Variants in NRG1 observed in about 807,000 individuals in gnomAD.
NRG1 encodes pro-neuregulin-1, membrane-bound isoform.
A neutral mutation model predicts 63.8 loss-of-function variants in NRG1; 18 were observed. The ratio of observed to expected loss-of-function variants is 0.28; its 90% CI spans 0.19 to 0.42. NRG1 has a LOEUF of 0.42. Among genes scored for constraint, NRG1 ranks in the 10% least tolerant of loss-of-function variants. NRG1 has a pLI of 1.00. For synonymous variants in NRG1, 302 were observed against 301.3 expected (o/e 1.00, Z -0.02); for missense variants, 762 against 814.7 (o/e 0.94, Z 0.79).
At chr8:32,268,560 C>T (rs544738000) in intron 1 of NRG1, among the ~76,000 whole-genome samples, 36 of 152,078 alleles carry the variant, frequency 2.4e-4, no homozygotes, top group Non-Finnish European at 5.3e-4. Flanking sequence ...TCCCTATTAG[C>T]ATGTGCATGT....
intron 1 of NRG1, among the ~76,000 whole-genome samples, chr8:31,855,075 A>G (rs1489701882): frequency 2.0e-5 from 3 of 152,088 alleles, no homozygotes; most frequent in South Asian, 4.2e-4. Context: ...GTGCTGAAAA[A>G]AATGTATATT....
chr8:31,807,949 G>A (rs775066183), intron 1 of NRG1, among the ~76,000 whole-genome samples: 1 of 22,266 alleles, frequency 4.5e-5, no homozygotes, highest in Admixed American at 5.2e-4. Flanking sequence ...GAGTATTCGC[G>A]TGTGTGTGTG....
At chr8:32,120,877 G>A (rs918887587) in intron 1 of NRG1, among the ~76,000 whole-genome samples, 1 of 151,966 alleles carries the variant, frequency 6.6e-6, no homozygotes, top group African/African-American at 2.4e-5. Context: ...GTCCCTTTTT[G>A]AATGTTCCTT....
rs150974130 is a variant in NRG1 at position 32,697,790 on chromosome 8, T to C, written c.503-30159T>C. Among the ~76,000 whole-genome samples the C allele has an allele frequency of 2.6e-3, 395 of 152,370 alleles. 3 individuals carry two copies. Among genetic ancestry groups the C allele is most frequent in the African/African-American group, 8.9e-3 (368 of 41,576 alleles). On this transcript the variant is annotated intron_variant, in intron 5 of 11. Coordinates refer to ENST00000356819, the Ensembl canonical transcript of NRG1. ...ATAAGATTTTCACAAATCAGTGCAG[T>C]ATGGCCCTGTTACTTTTTATAGCAT...
In NRG1 at chr8:32,123,694, T is replaced by A. The variant is rs926126521; in HGVS notation, c.38-472134T>A. Among the ~76,000 whole-genome samples, 3 of 150,720 alleles carry A rather than the reference T, an allele frequency of 2.0e-5. No individual in the cohort carries two copies. The East Asian group carries it at 5.8e-4, about 29-fold the overall frequency. On this transcript the variant is annotated intron_variant, in intron 1 of 10. Transcript: ENST00000519301. ...CTGTCTTATAATTTATTCTAAAAAT[T>A]ATATTTTTAAGTTAATTTATAACTT...
intron 1 of NRG1, among the ~76,000 whole-genome samples, chr8:32,577,865 T>C (rs944669898): frequency 1.3e-5 from 2 of 152,304 alleles, no homozygotes; most frequent in African/African-American, 2.4e-5. Context: ...ACTTCATCTG[T>C]GCCATCAGCT....
rs994966851 is a variant in NRG1, at chr8:32,595,187, AT to A, written c.101-632del. ...TTACATATTCTCCTTTTTATTTTTT[AT>A]TTTTTTTTAATTTCTTTTTGAAACA... On this transcript the variant is annotated intron_variant, in intron 1 of 11. Transcript: ENST00000356819. Among the ~76,000 whole-genome samples, 5 of 151,076 alleles carry A rather than the reference AT, an allele frequency of 3.3e-5. No homozygotes were observed. The East Asian group carries it at 5.9e-4, about 18-fold the overall frequency.
At chr8:32,591,212 A>G (rs912223508) in intron 1 of NRG1, among the ~76,000 whole-genome samples, 18 of 152,212 alleles carry the variant, frequency 1.2e-4, no homozygotes, top group Non-Finnish European at 1.5e-5. Flanking sequence ...CCCCAGAAGG[A>G]CGCAGCAGGG....
At chr8:32,047,211 G>A (rs887404709) in intron 1 of NRG1, among the ~76,000 whole-genome samples, 1 of 151,964 alleles carries the variant, frequency 6.6e-6, no homozygotes, top group Non-Finnish European at 1.5e-5. Context: ...TGATTGGTTG[G>A]AACTTTACCT....
At chr8:31,861,326 G>A (rs1210891569) in intron 1 of NRG1, among the ~76,000 whole-genome samples, 1 of 151,978 alleles carries the variant, frequency 6.6e-6, no homozygotes, top group East Asian at 1.9e-4. Context: ...GACACAGATG[G>A]GTTTATATAA....
intron 1 of NRG1, among the ~76,000 whole-genome samples, chr8:32,230,940 C>T (rs1038949808): frequency 2.6e-5 from 4 of 152,096 alleles, no homozygotes; most frequent in Non-Finnish European, 5.9e-5. Context: ...TATCATCACT[C>T]TGTTGTGCTA....
chr8:32,728,129 G>T, intron 6 of NRG1, 51 bp downstream of exon 6: 2 of 1,607,048 alleles, frequency 1.2e-6, no homozygotes, highest in Non-Finnish European at 1.7e-6. Context: ...CCTTGTTTCA[G>T]ATGATTCTAT....
intron 1 of NRG1, among the ~76,000 whole-genome samples, chr8:31,933,886 T>A (rs57164363): frequency 0.015 from 2,233 of 152,276 alleles, 45 homozygotes; most frequent in African/African-American, 0.051. Context: ...TTTTATTTTA[T>A]AATACCAACC....
At chr8:32,566,082 G>A (rs912606667) in intron 1 of NRG1, among the ~76,000 whole-genome samples, 36 of 152,144 alleles carry the variant, frequency 2.4e-4, no homozygotes, top group African/African-American at 8.0e-4. Flanking sequence ...GGCCGGACAC[G>A]GTGGCTCATG....
chr8:31,768,758 C>A (rs140144266), intron 1 of NRG1, among the ~76,000 whole-genome samples: 1 of 152,148 alleles, frequency 6.6e-6, no homozygotes, highest in Non-Finnish European at 1.5e-5. Flanking sequence ...CCTAACTGGT[C>A]GCAAACTTGG....
Position 32,742,153 on chromosome 8 carries a change from C to T in NRG1, c.633-522C>T. Reference sequence around the variant, plus strand: ...ACTACCACTTGGTGCTTTTACAGCTCAGTCGTAACTGATTCATTTTGTTCT... The same window carrying T: ...ACTACCACTTGGTGCTTTTACAGCTTAGTCGTAACTGATTCATTTTGTTCT... On this transcript the variant is annotated intron_variant, in intron 6 of 11. Transcript: ENST00000356819. This position sits in a 1 kb window ranked among gnomAD's most constrained non-coding sequence, Gnocchi z 4.2. 4 of 1,121,940 alleles carry T rather than the reference C, an allele frequency of 3.6e-6. No homozygotes were observed. Among genetic ancestry groups the T allele is most frequent in the Non-Finnish European group, 5.4e-6 (4 of 736,856 alleles). The allele number at this position is 1,121,940 out of a possible 1,614,324, so 69.5% of individuals were successfully genotyped here. A position where few individuals can be genotyped will look rare whatever the true frequency, so the allele number is the denominator to read the frequency against.
chr8:32,177,954 T>C (rs1414943248), intron 1 of NRG1, among the ~76,000 whole-genome samples: 1 of 152,034 alleles, frequency 6.6e-6, no homozygotes, highest in African/African-American at 2.4e-5. Flanking sequence ...CTACCTGTGT[T>C]ACTCATTGAA....
At chr8:32,167,952 C>T (rs1321460206) in intron 1 of NRG1, among the ~76,000 whole-genome samples, 1 of 152,176 alleles carries the variant, frequency 6.6e-6, no homozygotes, top group African/African-American at 2.4e-5. Context: ...GCCCCTCCCT[C>T]TGGAGATCCA....
chr8:32,525,391 G>GGTGTGTGTGTGT (rs200594879), intron 1 of NRG1, among the ~76,000 whole-genome samples: 32 of 145,890 alleles, frequency 2.2e-4, no homozygotes, highest in South Asian at 6.7e-4. Context: ...ATGAGGTAGG[G>GGTGTGTGTGTGT]GTGTGTGTGT....
Sources: gnomAD v4.1 joint callset for allele counts (sites outside exome capture counted in the v4.1 genomes callset) on GRCh38, gnomAD v4.1.1 for gene constraint, Gnocchi (gnomAD v3.1) non-coding constraint, MANE v1.5 for transcripts, NCBI Gene and HGNC (gene_info 2026-07-23, HGNC 2026-07-21) for gene names.